Variants in NECTIN4 observed in about 807,000 individuals in gnomAD.
NECTIN4 encodes the protein nectin-4.
A neutral mutation model predicts 51.7 loss-of-function variants in NECTIN4; 19 were observed. The observed-to-expected ratio is 0.37, with a 90% CI of 0.26 to 0.54. The LOEUF is 0.54. NECTIN4 is among the 20% of genes least tolerant of loss of function. NECTIN4 has a pLI of 0.86. For synonymous variants in NECTIN4, 283 were observed against 286.9 expected, an observed-to-expected ratio of 0.99 and a Z score of 0.14; for missense variants, 619 against 662.4, an observed-to-expected ratio of 0.93 and a Z score of 0.72.
At chr1:161,082,766 C>T (rs1653746984) in intron 1 of NECTIN4, among the ~76,000 whole-genome samples, 2 of 152,086 alleles carry the variant, frequency 1.3e-5, no homozygotes, top group South Asian at 4.1e-4. Flanking sequence ...CCTCCTGGCA[C>T]TGGAAAGAAC....
intron 8 of NECTIN4, 126 bp downstream of exon 8, chr1:161,073,087 AGAGATGCGGTGC>A: frequency 1.8e-5 from 12 of 681,778 alleles, no homozygotes; most frequent in Non-Finnish European, 2.5e-5. Flanking sequence ...AAGACGTAGC[AGAGATGCGGTGC>A]TGGGCTGCAT....
At chr1:161,073,144 G>A in intron 8 of NECTIN4, 81 bp downstream of exon 8, 2 of 1,244,762 alleles carry the variant, frequency 1.6e-6, no homozygotes, top group Non-Finnish European at 2.4e-6. Flanking sequence ...CTGGTAAGGG[G>A]GCTGCTGACG....
intron 3 of NECTIN4, among the ~76,000 whole-genome samples, 162 bp downstream of exon 3, chr1:161,077,291 C>A (rs545983798): frequency 3.0e-4 from 45 of 152,080 alleles, no homozygotes; most frequent in African/African-American, 1.0e-3. Context: ...CCTCTGGGAT[C>A]GGGCTCCAGG....
In NECTIN4 at chr1:161,079,810, G is replaced by T. The variant is rs1653594376; in HGVS notation, c.219C>A (p.Gly73=). 1.9e-6 allele frequency: 3 copies of T among 1,613,476 alleles called. No individual in the cohort carries two copies. Among genetic ancestry groups the T allele is most frequent in the Admixed American group, 1.7e-5 (1 of 60,004 alleles). ...GTAGCGCTAGTTCCTGGGCGCCTTC[G>T]CCCGCGTCCACCCGAGCCCATGCCA... The part of the protein sequence containing the change: ...GQVAWARVDA[G]EGAQELALLH... Residue 73 remains glycine (G), a synonymous_variant, in exon 2 of 9, where the codon GGC becomes GGA. Transcript: ENST00000368012.
Position 161,089,128 on chromosome 1 carries a change from G to C in NECTIN4, c.79+90C>G. The C allele has an allele frequency of 9.1e-7, 1 of 1,103,764 alleles. No individual in the cohort carries two copies. Among genetic ancestry groups the C allele is most frequent in the South Asian group, 1.2e-5 (1 of 80,932 alleles). 68.4% of individuals were successfully genotyped at this position (1,103,764 alleles called of 1,614,324 possible). On this transcript the variant is annotated intron_variant, in intron 1 of 8. Transcript: ENST00000368012. This position sits in a 1 kb window ranked among gnomAD's most constrained non-coding sequence, Gnocchi z 4.1. ...GTCAAAGAAAGGAGGATATGTGTGTGCGTGCGTGTGTGTCTATGTGTTTGT... is the reference window on the plus strand; with the variant it reads ...GTCAAAGAAAGGAGGATATGTGTGTCCGTGCGTGTGTGTCTATGTGTTTGT...
At chr1:161,087,037 G>A (rs750288305) in intron 1 of NECTIN4, 1 of 152,244 alleles carries the variant, frequency 6.6e-6, no homozygotes, top group Non-Finnish European at 1.5e-5. Context: ...CTGAAGTCTG[G>A]TTTCATCGCT....
In NECTIN4 at chr1:161,074,270, C is replaced by A; in HGVS notation, c.1104G>T (p.Val368=). Residue 368 remains valine (V), a synonymous_variant, in exon 6 of 9, where the codon GTG becomes GTT. Coordinates refer to ENST00000368012, the MANE Select transcript of NECTIN4 (RefSeq NM_030916.3). ...GCCGATGGTATCGGGACATGAGCAC[C>A]ACCACCACCACCAGAAGGCAGAACA... ...ALLFCLLVVV[V]VLMSRYHRRK... is the part of the protein sequence containing the mutation. 1 of 1,614,058 alleles carries A rather than the reference C, an allele frequency of 6.2e-7. No individual in the cohort carries two copies. The highest frequency in any genetic ancestry group is 1.6e-4 in the Middle Eastern group (1 of 6,062).
chr1:161,081,730 C>T (rs1046016652), intron 1 of NECTIN4, among the ~76,000 whole-genome samples: 5 of 152,076 alleles, frequency 3.3e-5, no homozygotes, highest in African/African-American at 1.2e-4. Context: ...ATGCCCTCCT[C>T]CCTATATCTG....
intron 1 of NECTIN4, among the ~76,000 whole-genome samples, chr1:161,085,992 C>T (rs1194973240): frequency 6.6e-6 from 1 of 152,080 alleles, no homozygotes; most frequent in African/African-American, 2.4e-5. Flanking sequence ...GCCCCCTCCT[C>T]ATTTAGATTC....
intron 1 of NECTIN4, among the ~76,000 whole-genome samples, chr1:161,083,749 C>T (rs538245744): frequency 3.3e-5 from 5 of 152,346 alleles, no homozygotes; most frequent in South Asian, 4.1e-4. Context: ...TGGCCTCCCC[C>T]ACCCTGGCCA....
intron 1 of NECTIN4, among the ~76,000 whole-genome samples, chr1:161,085,732 T>A (rs1169486221): frequency 6.8e-6 from 1 of 146,130 alleles, no homozygotes; most frequent in Non-Finnish European, 1.5e-5. Flanking sequence ...AGAGTCTCAC[T>A]CTGTCACCCA....
intron 4 of NECTIN4, among the ~76,000 whole-genome samples, chr1:161,076,147 T>C (rs943969100): frequency 6.6e-6 from 1 of 152,230 alleles, no homozygotes; most frequent in Admixed American, 6.5e-5. Flanking sequence ...AATGACCATG[T>C]ATCTTAGATT....
chr1:161,089,230 C>G lies in NECTIN4; in HGVS notation c.67G>C (p.Ala23Pro), dbSNP rs1654083269. The change falls in exon 1 of 9, where the codon GCA becomes CCA. Residue 23 changes from alanine to proline, a missense_variant. By Grantham distance (27) the Ala-to-Pro change is conservative (BLOSUM62 -1). This residue lies in a region of NECTIN4 where 218 missense variants were observed against 186.3 expected (regional missense o/e 1.17). Transcript: ENST00000368012. The surrounding 1 kb of genome is among the most constrained non-coding windows in gnomAD (Gnocchi z 4.1). ...EAWLLLLLLL[A>P]SFTGRCPAGE... ...AGGCAAGTCCTACCTGTAAATGATG[C>G]CAGCAGTAGCAGCAGCAGCAGCCAG... 6.2e-7 allele frequency: 1 copy of G among 1,613,040 alleles called. No individual in the cohort carries two copies. The highest frequency in any genetic ancestry group is 8.5e-7 in the Non-Finnish European group (1 of 1,179,988).
intron 3 of NECTIN4, 108 bp downstream of exon 3, chr1:161,077,345 C>T (rs1653453487): frequency 1.7e-6 from 2 of 1,177,924 alleles, no homozygotes; most frequent in African/African-American, 1.5e-5. Flanking sequence ...CTATATATAG[C>T]CTCCAGGACC....
chr1:161,088,537 C>T (rs1398320370), intron 1 of NECTIN4, among the ~76,000 whole-genome samples: 2 of 152,058 alleles, frequency 1.3e-5, no homozygotes, highest in African/African-American at 2.4e-5. Context: ...GGGGACCACA[C>T]CCTATCTAGA....
At chr1:161,082,882 G>T (rs530683305) in intron 1 of NECTIN4, among the ~76,000 whole-genome samples, 1 of 152,232 alleles carries the variant, frequency 6.6e-6, no homozygotes, top group East Asian at 1.9e-4. Flanking sequence ...GGGATCCCAA[G>T]ACCTGCCCCA....
intron 2 of NECTIN4, among the ~76,000 whole-genome samples, chr1:161,078,720 A>G (rs1260157758): frequency 4.0e-5 from 6 of 151,836 alleles, no homozygotes. Flanking sequence ...ATGGTTTAAA[A>G]AGTGATTGTG....
In NECTIN4 at chr1:161,073,403, C is replaced by G. The variant is rs555117314; in HGVS notation, c.1234-104G>C. The G allele has an allele frequency of 1.9e-5, 18 of 949,336 alleles. No homozygotes were observed. In the East Asian group the frequency reaches 4.1e-4, roughly 22 times the overall value. 58.8% of individuals were successfully genotyped at this position (949,336 alleles called of 1,614,324 possible). A position where few individuals can be genotyped will look rare whatever the true frequency, so the allele number is the denominator to read the frequency against. On this transcript the variant is annotated intron_variant, in intron 7 of 8. Coordinates refer to ENST00000368012, the MANE Select transcript of NECTIN4 (RefSeq NM_030916.3). Reference sequence around the variant, plus strand: ...AGCCTCCTCCCTACTTGCCTGTCCCCCAACCCAACAGGTCCATTCTCTCCT... The same window carrying G: ...AGCCTCCTCCCTACTTGCCTGTCCCGCAACCCAACAGGTCCATTCTCTCCT...
At chr1:161,076,778 C>T (rs1653431687) in intron 3 of NECTIN4, among the ~76,000 whole-genome samples, 1 of 152,222 alleles carries the variant, frequency 6.6e-6, no homozygotes, top group Non-Finnish European at 1.5e-5. Flanking sequence ...TAGCATAGTG[C>T]TAGTCATAGA....
Sources: gnomAD v4.1 joint callset for allele counts (sites outside exome capture counted in the v4.1 genomes callset) on GRCh38, gnomAD v4.1.1 for gene constraint, gnomAD v4.1.1 regional missense constraint, Gnocchi (gnomAD v3.1) non-coding constraint, MANE v1.5 for transcripts, NCBI Gene and HGNC (gene_info 2026-07-23, HGNC 2026-07-21) for gene names.